The following MACROD2 variants were observed in gnomAD, a reference collection of about 807,000 sequenced individuals.
MACROD2 encodes the protein ADP-ribose glycohydrolase MACROD2.
Under a neutral mutation model 70.4 loss-of-function variants are expected in MACROD2, and 36 were observed. The observed-to-expected ratio is 0.51, with a 90% CI of 0.39 to 0.68. The LOEUF is 0.68. Ranked by LOEUF, MACROD2 falls within the 30% of genes least tolerant of loss-of-function variation. The pLI, the probability that MACROD2 is intolerant of heterozygous loss-of-function variation, is 0.00. For synonymous variants in MACROD2, 172 were observed against 178.8 expected (o/e 0.96, Z 0.30); for missense variants, 496 against 538.4 (o/e 0.92, Z 0.78).
intron 8 of MACROD2, among the ~76,000 whole-genome samples, chr20:15,554,423 T>G (rs1252951207): frequency 6.6e-6 from 1 of 152,176 alleles, no homozygotes; most frequent in African/African-American, 2.4e-5. Flanking sequence ...GCTAGATAAT[T>G]TATAGCCTTG....
chr20:14,402,729 G>C (rs1350635318), intron 3 of MACROD2, among the ~76,000 whole-genome samples: 6 of 152,148 alleles, frequency 3.9e-5, no homozygotes, highest in Admixed American at 1.3e-4. Flanking sequence ...TAGGATCTTA[G>C]TGAACTAACA....
intron 6 of MACROD2, among the ~76,000 whole-genome samples, chr20:15,270,516 C>T (rs913672228): frequency 1.3e-5 from 2 of 151,964 alleles, no homozygotes. Flanking sequence ...GTTCTGCATC[C>T]TGATTATAGT....
At chr20:14,828,066 A>G (rs1342064314) in intron 5 of MACROD2, among the ~76,000 whole-genome samples, 1 of 152,116 alleles carries the variant, frequency 6.6e-6, no homozygotes, top group Admixed American at 6.5e-5. Context: ...GAAAATAAAG[A>G]TGATATATAC....
chr20:14,841,794 G>A (rs2073090177), intron 5 of MACROD2, among the ~76,000 whole-genome samples: 1 of 152,014 alleles, frequency 6.6e-6, no homozygotes, highest in Non-Finnish European at 1.5e-5. Context: ...CATATTTTGG[G>A]TAATAAAGAA....
chr20:14,470,029 A>G (rs2084508847), intron 3 of MACROD2, among the ~76,000 whole-genome samples: 1 of 151,938 alleles, frequency 6.6e-6, no homozygotes, highest in South Asian at 2.1e-4. Flanking sequence ...TGGAATTTTC[A>G]GCCTTTTTGA....
intron 8 of MACROD2, among the ~76,000 whole-genome samples, chr20:15,805,246 G>A (rs1291037190): frequency 6.6e-6 from 1 of 152,132 alleles, no homozygotes; most frequent in Non-Finnish European, 1.5e-5. Context: ...GGATAGAATG[G>A]GCAATGATGT....
intron 3 of MACROD2, among the ~76,000 whole-genome samples, chr20:14,297,334 A>G (rs538630168): frequency 3.3e-5 from 5 of 152,024 alleles, no homozygotes; most frequent in Admixed American, 6.6e-5. Context: ...TGAGAAAGCC[A>G]TGTCAAAAGC....
intron 5 of MACROD2, among the ~76,000 whole-genome samples, chr20:14,814,628 G>C (rs1463722654): frequency 6.6e-6 from 1 of 151,934 alleles, no homozygotes; most frequent in Non-Finnish European, 1.5e-5. Flanking sequence ...GCCTTCTAAA[G>C]GAGGATATAT....
chr20:15,383,772 A>T (rs548896583), intron 6 of MACROD2, among the ~76,000 whole-genome samples: 2 of 152,326 alleles, frequency 1.3e-5, no homozygotes, highest in Admixed American at 6.5e-5. Flanking sequence ...GTTGACAGAA[A>T]CATTTCATTT....
rs144720295 is a variant in MACROD2, at chr20:15,297,243, C to G, written c.540+67182C>G. Among the ~76,000 whole-genome samples, 292 of 152,280 alleles carry G rather than the reference C, an allele frequency of 1.9e-3. 2 individuals carry two copies. Among genetic ancestry groups the G allele is most frequent in the African/African-American group, 6.7e-3 (280 of 41,560 alleles). ...GAGAGTTATTGCCTGTTGATACACT[C>G]ACCCAAATAAGTGCTGAGTGTTCTT... On this transcript the variant is annotated intron_variant, in intron 6 of 17. Transcript: ENST00000684519.
At chr20:15,871,175 C>CAAAA (rs58775689) in intron 9 of MACROD2, among the ~76,000 whole-genome samples, 5 of 114,566 alleles carry the variant, frequency 4.4e-5, no homozygotes, top group Admixed American at 9.8e-5. Context: ...GACTCCATCT[C>CAAAA]AAAAAAAAAA....
intron 5 of MACROD2, among the ~76,000 whole-genome samples, chr20:15,023,145 T>G (rs1186257812): frequency 6.6e-5 from 10 of 152,128 alleles, no homozygotes; most frequent in Non-Finnish European, 1.5e-4. Flanking sequence ...AGTCTCATGA[T>G]GCCATCATTT....
chr20:14,140,858 A>C (rs1430694324), intron 3 of MACROD2, among the ~76,000 whole-genome samples: 1 of 152,206 alleles, frequency 6.6e-6, no homozygotes, highest in Non-Finnish European at 1.5e-5. Flanking sequence ...TACCCTATCT[A>C]GCCCTCTATA....
chr20:15,942,856 A>G (rs545613492), intron 12 of MACROD2, among the ~76,000 whole-genome samples: 1 of 152,342 alleles, frequency 6.6e-6, no homozygotes, highest in South Asian at 2.1e-4. Context: ...CACCTGCCTT[A>G]TTATTTAATC....
chr20:15,117,231 GA>G (rs1209367180), intron 5 of MACROD2, among the ~76,000 whole-genome samples: 1 of 152,134 alleles, frequency 6.6e-6, no homozygotes, highest in Non-Finnish European at 1.5e-5. Flanking sequence ...GTCAACAACT[GA>G]AGAGTAGATT....
At chr20:14,541,245 A>G (rs2085427898) in intron 4 of MACROD2, among the ~76,000 whole-genome samples, 1 of 152,256 alleles carries the variant, frequency 6.6e-6, no homozygotes. Context: ...ATTAATTTGC[A>G]TTTGATGACA....
At chr20:14,471,225 G>T (rs1391195115) in intron 3 of MACROD2, among the ~76,000 whole-genome samples, 1 of 151,204 alleles carries the variant, frequency 6.6e-6, no homozygotes, top group Non-Finnish European at 1.5e-5. Context: ...GCTCCACCCT[G>T]CTTCGGCTAG....
chr20:14,001,863 T>C (rs2052737096), intron 1 of MACROD2, among the ~76,000 whole-genome samples: 1 of 152,160 alleles, frequency 6.6e-6, no homozygotes, highest in African/African-American at 2.4e-5. Flanking sequence ...ATCTTGAGGC[T>C]AGCACCAGGC....
At chr20:14,399,570 C>A (rs895939262) in intron 3 of MACROD2, among the ~76,000 whole-genome samples, 1 of 152,086 alleles carries the variant, frequency 6.6e-6, no homozygotes, top group Non-Finnish European at 1.5e-5. Context: ...CTGTGCTTGT[C>A]GTTCTTGAAT....
Sources: gnomAD v4.1 joint callset for allele counts (sites outside exome capture counted in the v4.1 genomes callset) on GRCh38, gnomAD v4.1.1 for gene constraint, MANE v1.5 for transcripts, NCBI Gene and HGNC (gene_info 2026-07-23, HGNC 2026-07-21) for gene names.